Variants in RABGAP1 observed in about 807,000 individuals in gnomAD.
RABGAP1 encodes the protein rab GTPase-activating protein 1.
Under a neutral mutation model 137.6 loss-of-function variants are expected in RABGAP1, and 23 were observed. The observed-to-expected ratio is 0.17, with a 90% confidence interval of 0.12 to 0.24. RABGAP1 has a LOEUF of 0.24. RABGAP1 is among the 10% of genes least tolerant of loss of function. RABGAP1 has a pLI of 1.00. For missense variants in RABGAP1, 906 were observed against 1,275.8 expected (o/e 0.71, Z 4.42); for synonymous variants, 451 against 450.7 (o/e 1.00, Z -0.01).
intron 13 of RABGAP1, among the ~76,000 whole-genome samples, chr9:123,043,529 A>G (rs1564155508): frequency 6.6e-6 from 1 of 152,030 alleles, no homozygotes; most frequent in Non-Finnish European, 1.5e-5. Flanking sequence ...AGGAAATAAG[A>G]TCATGACATA....
Position 122,944,737 on chromosome 9 carries a change from A to ATT in RABGAP1, c.-50+3656_-50+3657dup, listed in dbSNP as rs796707171. Among the ~76,000 whole-genome samples, 153 of 144,848 alleles carry ATT rather than the reference A, an allele frequency of 1.1e-3. No individual in the cohort carries two copies. In the Middle Eastern group the frequency reaches 0.011, roughly 10 times the overall value. ...AGGCGCGCACCACCACACCCAGATA[A>ATT]TTTTTTTTTTTTTATTTTTAGTAGA... On this transcript the variant is annotated intron_variant, in intron 1 of 25. Coordinates refer to ENST00000373647, the MANE Select transcript of RABGAP1 (RefSeq NM_012197.4).
intron 13 of RABGAP1, among the ~76,000 whole-genome samples, chr9:123,059,207 G>A (rs1200422406): frequency 6.6e-6 from 1 of 152,128 alleles, no homozygotes; most frequent in Non-Finnish European, 1.5e-5. Flanking sequence ...AAGAGATAAA[G>A]GAAGATCAGT....
At chr9:122,960,478 C>G (rs561147383) in intron 2 of RABGAP1, among the ~76,000 whole-genome samples, 1 of 152,182 alleles carries the variant, frequency 6.6e-6, no homozygotes. Flanking sequence ...TAACACTAGA[C>G]AATGGAATCT....
intron 19 of RABGAP1, among the ~76,000 whole-genome samples, chr9:123,083,406 G>A (rs1410640420): frequency 6.6e-6 from 1 of 152,134 alleles, no homozygotes; most frequent in Non-Finnish European, 1.5e-5. Context: ...GATTTTATGA[G>A]GAAACTTCTG....
At chr9:123,088,934 C>T (rs150301692) in intron 19 of RABGAP1, among the ~76,000 whole-genome samples, 4 of 152,300 alleles carry the variant, frequency 2.6e-5, no homozygotes, top group African/African-American at 9.6e-5. Flanking sequence ...AGGAAAAAGA[C>T]ACCACTGGTG....
intron 1 of RABGAP1, among the ~76,000 whole-genome samples, chr9:122,946,643 C>T (rs1050180844): frequency 1.3e-5 from 2 of 152,172 alleles, no homozygotes; most frequent in South Asian, 2.1e-4. Context: ...CTATTGTGGA[C>T]GTGGAATCCA....
chr9:123,096,286 G>A (rs2035180354), intron 21 of RABGAP1, among the ~76,000 whole-genome samples: 1 of 152,096 alleles, frequency 6.6e-6, no homozygotes, highest in Non-Finnish European at 1.5e-5. Flanking sequence ...GGACAAAGAG[G>A]GACATTTCAT....
intron 13 of RABGAP1, among the ~76,000 whole-genome samples, chr9:123,025,670 G>C (rs2031922362): frequency 6.8e-6 from 1 of 148,018 alleles, no homozygotes. Flanking sequence ...GAATAGTTTT[G>C]TCAGTTTCCA....
the RABGAP1 span, among the ~76,000 whole-genome samples, chr9:122,934,413 GA>G: frequency 7.9e-5 from 12 of 152,112 alleles, no homozygotes; most frequent in African/African-American, 2.9e-4. Flanking sequence ...TGTGTCTTTG[GA>G]TGTCAAGTGA....
In RABGAP1 at chr9:123,015,523, G is replaced by C; in HGVS notation, c.1550-20G>C. 1 of 1,516,706 alleles carries C rather than the reference G, an allele frequency of 6.6e-7. No homozygotes were observed. Among genetic ancestry groups the C allele is most frequent in the East Asian group, 2.3e-5 (1 of 43,782 alleles). The allele number at this position is 1,516,706 out of a possible 1,614,324, so 94.0% of individuals were successfully genotyped here. ...CATAGCCATCTCTGTTACCGTTTTT[G>C]TGTGTTTTGTTTATTATAGATAATG... On this transcript the variant is annotated intron_variant, in intron 11 of 25. Coordinates refer to ENST00000373647, the MANE Select transcript of RABGAP1 (RefSeq NM_012197.4).
intron 13 of RABGAP1, among the ~76,000 whole-genome samples, chr9:123,030,244 T>C (rs2131974096): frequency 6.6e-6 from 1 of 152,212 alleles, no homozygotes; most frequent in East Asian, 1.9e-4. Context: ...TCTGAAGGAA[T>C]GTTGCTCTGA....
At chr9:122,995,041 C>T (rs1836943328) in intron 6 of RABGAP1, among the ~76,000 whole-genome samples, 1 of 152,078 alleles carries the variant, frequency 6.6e-6, no homozygotes, top group Admixed American at 6.6e-5. Flanking sequence ...AGCTTGAGCC[C>T]AGGAGTTTGA....
At chr9:122,985,561 C>T (rs1272379684) in intron 3 of RABGAP1, among the ~76,000 whole-genome samples, 1 of 136,208 alleles carries the variant, frequency 7.3e-6, no homozygotes, top group Non-Finnish European at 1.5e-5. Flanking sequence ...TGCAGTGAGC[C>T]GAGATTGTTC....
At chr9:123,024,625 A>C (rs2031848535) in intron 13 of RABGAP1, among the ~76,000 whole-genome samples, 1 of 151,864 alleles carries the variant, frequency 6.6e-6, no homozygotes, top group Admixed American at 6.6e-5. Flanking sequence ...TTTTTAGTAG[A>C]TACTAAGTTT....
At chr9:123,076,789 T>C in intron 19 of RABGAP1, 27 bp downstream of exon 19, 4 of 1,530,656 alleles carry the variant, frequency 2.6e-6, no homozygotes, top group Non-Finnish European at 3.5e-6. Context: ...TTAGTTAAGA[T>C]TCTGTTTTTC....
intron 21 of RABGAP1, among the ~76,000 whole-genome samples, chr9:123,095,163 GC>G (rs2035142163): frequency 6.7e-6 from 1 of 150,026 alleles, no homozygotes; most frequent in Non-Finnish European, 1.5e-5. Flanking sequence ...GGAGGCAGGG[GC>G]TGCAGTGAAC....
At chr9:123,093,965 T>A (rs1281491014) in intron 21 of RABGAP1, among the ~76,000 whole-genome samples, 1 of 152,230 alleles carries the variant, frequency 6.6e-6, no homozygotes, top group Non-Finnish European at 1.5e-5. Flanking sequence ...GTAGCAATGT[T>A]TTTTAGTGTT....
chr9:123,043,361 T>C (rs1358119565), intron 13 of RABGAP1, among the ~76,000 whole-genome samples: 1 of 152,138 alleles, frequency 6.6e-6, no homozygotes, highest in East Asian at 1.9e-4. Context: ...CTAGGAGGTA[T>C]GTCTCTAGGA....
intron 2 of RABGAP1, among the ~76,000 whole-genome samples, chr9:122,979,901 G>A (rs1167487475): frequency 6.6e-6 from 1 of 152,192 alleles, no homozygotes; most frequent in Admixed American, 6.5e-5. Context: ...GTATCTGTTA[G>A]GAATGCTATT....
Sources: allele counts gnomAD v4.1 joint callset (sites outside exome capture counted in the v4.1 genomes callset), GRCh38; gene constraint gnomAD v4.1.1; transcripts MANE v1.5; gene names NCBI Gene and HGNC (gene_info 2026-07-23, HGNC 2026-07-21).